LDB1: variants seen among roughly 807,000 people sequenced by gnomAD.
LDB1 encodes LIM domain binding 1.
Under a neutral mutation model 49.7 loss-of-function variants are expected in LDB1, and 6 were observed. The observed-to-expected ratio is 0.12, with a 90% CI of 0.07 to 0.24. LDB1 has a LOEUF of 0.24. Ranked by LOEUF, LDB1 falls within the 10% of genes least tolerant of loss-of-function variation. The pLI is 1.00. For synonymous variants in LDB1, 233 were observed against 202.0 expected, an observed-to-expected ratio of 1.15 and a Z score of -1.30; for missense variants, 341 against 561.7, an observed-to-expected ratio of 0.61 and a Z score of 3.97.
Position 102,109,818 on chromosome 10 carries a change from C to T in LDB1, c.648+103G>A. Reference sequence around the variant, plus strand: ...AAACCTGCTGTTCAGATGAAGAAACCCTAACCCTCTGTCTAAGTAGTCAGT... The same window carrying T: ...AAACCTGCTGTTCAGATGAAGAAACTCTAACCCTCTGTCTAAGTAGTCAGT... On this transcript the variant is annotated intron_variant, in intron 7 of 10. Transcript: ENST00000673968. The surrounding 1 kb of genome is among the most constrained non-coding windows in gnomAD (Gnocchi z 5.8). 6 of 1,566,962 alleles carry T rather than the reference C, an allele frequency of 3.8e-6. No individual in the cohort carries two copies. Among genetic ancestry groups the T allele is most frequent in the Non-Finnish European group, 5.2e-6 (6 of 1,146,978 alleles).
chr10:102,110,112 T>C, intron 6 of LDB1, 69 bp from the exon 7 acceptor site: 3 of 1,522,112 alleles, frequency 2.0e-6, no homozygotes, highest in Non-Finnish European at 2.7e-6. Context: ...TCTATTACAG[T>C]CTCCCATTTG....
At position 102,107,726 on chromosome 10, in the gene LDB1, G is replaced by A. The variant is rs978436011; in HGVS notation, c.*367C>T. 1.7e-5 allele frequency: 5 copies of A among 290,006 alleles called. No homozygotes were observed. The Admixed American group carries it at 2.0e-4, about 11-fold the overall frequency. The allele number at this position is 290,006 out of a possible 1,614,324, so 18.0% of individuals were successfully genotyped here. ...GTAACTTTAAGTCCCTAAGGGCTGT[G>A]GGTATAGACAACCCCAGGCTTGAAA... On this transcript the variant is annotated 3_prime_UTR_variant, in exon 11 of 11. Transcript: ENST00000673968.
rs1357415223 is a variant in LDB1, at chr10:102,114,376, C to G, written c.26-2840G>C. 8 of 986,244 alleles carry G rather than the reference C, an allele frequency of 8.1e-6. No individual in the cohort carries two copies. The Admixed American group carries it at 2.5e-4, about 30-fold the overall frequency. 61.1% of individuals were successfully genotyped at this position (986,244 alleles called of 1,614,324 possible). A position where few individuals can be genotyped will look rare whatever the true frequency, so the allele number is the denominator to read the frequency against. ...CGGGCTGAGGGCCTTCCGCCCACCC[C>G]CAACAGGCTCGCAGGGTGCCCAGAC... On this transcript the variant is annotated intron_variant, in intron 1 of 10. Transcript: ENST00000673968.
Position 102,110,664 on chromosome 10 carries a change from G to A in LDB1, c.390C>T (p.Ser130=). The change falls in exon 6 of 11, where the codon AGC becomes AGT. Residue 130 remains serine, a synonymous_variant. Transcript: ENST00000673968. ...GRTLIPRYFR[S]IFEGGATELY... is the part of the protein sequence containing the mutation. The stretch of plus-strand genomic sequence containing the variant: ...GCTCCGTAGCACCCCCCTCAAAGAT[G>A]CTGCGGAAGTAGCGTGGGATCAGGG... 6.2e-7 allele frequency: 1 copy of A among 1,613,848 alleles called. No individual in the cohort carries two copies. The highest frequency in any genetic ancestry group is 8.5e-7 in the Non-Finnish European group (1 of 1,179,856).
At position 102,117,267 on chromosome 10, in the gene LDB1, C is replaced by G. The variant is rs2068346789; in HGVS notation, c.25+2819G>C. On this transcript the variant is annotated intron_variant, in intron 1 of 10. Coordinates refer to ENST00000673968, the MANE Select transcript of LDB1 (RefSeq NM_001113407.3). The surrounding 1 kb of genome is among the most constrained non-coding windows in gnomAD (Gnocchi z 4.2). ...GCCCCTAAATGCCAAGATGTATCGA[C>G]TGGCAAACCATTCAAAACAGGCCTT... 6.6e-6 allele frequency among the ~76,000 whole-genome samples: 1 copy of G among 152,228 alleles called. No individual in the cohort carries two copies. The highest frequency in any genetic ancestry group is 1.5e-5 in the Non-Finnish European group (1 of 68,046).
intron 1 of LDB1, chr10:102,114,812 G>GGGCGCCCCCCCCCCC: frequency 5.4e-6 from 5 of 929,818 alleles, no homozygotes; most frequent in Non-Finnish European, 5.1e-6. Flanking sequence ...CCTCCGAGCA[G>GGGCGCCCCCCCCCCC]CCCGCCCGCC....
intron 1 of LDB1, chr10:102,114,943 T>G: frequency 1.8e-6 from 1 of 558,798 alleles, no homozygotes; most frequent in Non-Finnish European, 2.3e-6. Context: ...CCTGCCTTTC[T>G]CCCTTTCTCT....
chr10:102,108,404 G>A (rs1189042047), intron 10 of LDB1, 81 bp from the exon 11 acceptor site: 3 of 1,093,240 alleles, frequency 2.7e-6, no homozygotes, highest in Non-Finnish European at 4.0e-6. Context: ...CAGAGCCCCA[G>A]TACCCACCCT....
intron 1 of LDB1, among the ~76,000 whole-genome samples, chr10:102,118,224 C>T (rs1441831714): frequency 6.6e-6 from 1 of 152,226 alleles, no homozygotes; most frequent in Non-Finnish European, 1.5e-5. Flanking sequence ...CTCCAGTCTA[C>T]TCTGAAGCCC....
chr10:102,115,196 C>G (rs1397453823), intron 1 of LDB1, among the ~76,000 whole-genome samples: 4 of 152,114 alleles, frequency 2.6e-5, no homozygotes, highest in Non-Finnish European at 5.9e-5. Context: ...GGAGGAGAGG[C>G]CTGTGGGGGC....
downstream of LDB1, among the ~76,000 whole-genome samples, chr10:102,104,493 G>T (rs1328929143): frequency 6.6e-6 from 1 of 152,078 alleles, no homozygotes; most frequent in African/African-American, 2.4e-5. Context: ...AAAACAAAGG[G>T]CATGAGGGTT....
At chr10:102,111,588 A>C in intron 1 of LDB1, 52 bp from the exon 2 acceptor site, 1 of 1,107,666 alleles carries the variant, frequency 9.0e-7, no homozygotes, top group Non-Finnish European at 1.3e-6. Context: ...CACATCTGTA[A>C]TCTAGCACTT....
intron 1 of LDB1, among the ~76,000 whole-genome samples, chr10:102,113,759 T>TA (rs11422831): frequency 0.28 from 34,363 of 123,550 alleles, 4,446 homozygotes; most frequent in East Asian, 0.49. Context: ...TCCAATTTTG[T>TA]AAAAAAAAAA....
intron 1 of LDB1, among the ~76,000 whole-genome samples, chr10:102,112,585 A>G (rs2068271046): frequency 6.6e-6 from 1 of 151,190 alleles, no homozygotes; most frequent in Middle Eastern, 3.4e-3. Context: ...CCACTCCCTT[A>G]TCAGCCCAGC....
chr10:102,114,812 G>GGGCGCC, intron 1 of LDB1: 7 of 929,812 alleles, frequency 7.5e-6, no homozygotes, highest in Non-Finnish European at 9.0e-6. Flanking sequence ...CCTCCGAGCA[G>GGGCGCC]CCCGCCCGCC....
intron 6 of LDB1, 118 bp from the exon 7 acceptor site, chr10:102,110,161 A>T (rs1460008801): frequency 8.7e-7 from 1 of 1,150,840 alleles, no homozygotes; most frequent in Non-Finnish European, 1.2e-6. Flanking sequence ...TGTCACCTGC[A>T]CATTAAATCT....
intron 1 of LDB1, chr10:102,114,847 G>C (rs1192133853): frequency 4.4e-6 from 4 of 908,918 alleles, no homozygotes; most frequent in African/African-American, 4.0e-5. Flanking sequence ...GGGCCCCTCT[G>C]CTGGGGGCAC....
chr10:102,118,749 A>G (rs917344070), intron 1 of LDB1, among the ~76,000 whole-genome samples: 1 of 152,192 alleles, frequency 6.6e-6, no homozygotes, highest in Admixed American at 6.5e-5. Context: ...AGGGGTACCC[A>G]GCATGGGTCA....
chr10:102,104,985 T>G (rs773673391), downstream of LDB1, among the ~76,000 whole-genome samples: 8 of 152,164 alleles, frequency 5.3e-5, no homozygotes, highest in Non-Finnish European at 1.0e-4. Flanking sequence ...TTGAATGAAT[T>G]AATTAACCAA....
Sources: allele counts gnomAD v4.1 joint callset (sites outside exome capture counted in the v4.1 genomes callset), GRCh38; gene constraint gnomAD v4.1.1; non-coding constraint Gnocchi (gnomAD v3.1); transcripts MANE v1.5; gene names NCBI Gene and HGNC (gene_info 2026-07-23, HGNC 2026-07-21).